The following ATP2B2 variants were observed in gnomAD, a reference collection of about 807,000 sequenced individuals.
ATP2B2 encodes plasma membrane calcium-transporting ATPase 2.
A neutral mutation model predicts 120.0 loss-of-function variants in ATP2B2; 15 were observed. That is an observed-to-expected ratio of 0.12 (90% CI 0.08 to 0.19). ATP2B2 has a LOEUF of 0.19. ATP2B2 is among the 10% of genes least tolerant of loss of function. The pLI is 1.00. For synonymous variants in ATP2B2, 694 were observed against 700.3 expected, an observed-to-expected ratio of 0.99 and a Z score of 0.14; for missense variants, 1,045 against 1,719.8, an observed-to-expected ratio of 0.61 and a Z score of 6.94.
chr3:10,436,131 T>A (rs1308577615), intron 2 of ATP2B2, among the ~76,000 whole-genome samples: 1 of 152,254 alleles, frequency 6.6e-6, no homozygotes, highest in Non-Finnish European at 1.5e-5. Context: ...CAGCTCACAC[T>A]TGCTTGTGAG....
intron 3 of ATP2B2, among the ~76,000 whole-genome samples, chr3:10,406,365 G>A (rs944100320): frequency 5.9e-5 from 9 of 152,346 alleles, no homozygotes; most frequent in African/African-American, 2.2e-4. Flanking sequence ...CAAGGTCCCT[G>A]TGGTCACTCA....
chr3:10,413,513 C>G (rs1373175629), intron 2 of ATP2B2, among the ~76,000 whole-genome samples: 1 of 152,226 alleles, frequency 6.6e-6, no homozygotes, highest in Non-Finnish European at 1.5e-5. Context: ...TGAGACCAAG[C>G]TGCTGCTGTG....
intron 14 of ATP2B2, among the ~76,000 whole-genome samples, chr3:10,357,242 T>C (rs2060761554): frequency 6.6e-6 from 1 of 152,076 alleles, no homozygotes; most frequent in South Asian, 2.1e-4. Context: ...ATCTGAGCCT[T>C]CATGATATCC....
chr3:10,684,734 G>T (rs1405625684), intron 1 of ATP2B2, among the ~76,000 whole-genome samples: 1 of 152,212 alleles, frequency 6.6e-6, no homozygotes, highest in African/African-American at 2.4e-5. Context: ...GAGCAGGTTT[G>T]TAGCAAATGA....
At chr3:10,447,403 G>T (rs1461919681) in intron 2 of ATP2B2, among the ~76,000 whole-genome samples, 1 of 152,200 alleles carries the variant, frequency 6.6e-6, no homozygotes, top group African/African-American at 2.4e-5. Flanking sequence ...CCTTTCTGGT[G>T]GGAGTGGTAG....
chr3:10,439,527 C>T (rs1490930907), intron 2 of ATP2B2, among the ~76,000 whole-genome samples: 1 of 152,220 alleles, frequency 6.6e-6, no homozygotes, highest in African/African-American at 2.4e-5. Flanking sequence ...GTCAGTGTGG[C>T]CCCTGGAAGC....
chr3:10,449,826 C>T lies in ATP2B2; in HGVS notation c.-283G>A. ...CATTCAGTGGGGCCCATGCTGCTCC[C>T]TGGAACTGGCATCTACATGGTCAGG... On this transcript the variant is annotated 5_prime_UTR_variant, in exon 2 of 23. Coordinates refer to ENST00000360273, the MANE Select transcript of ATP2B2 (RefSeq NM_001001331.4). 1 of 494,928 alleles carries T rather than the reference C, an allele frequency of 2.0e-6. No individual in the cohort carries two copies. The highest frequency in any genetic ancestry group is 3.7e-6 in the Non-Finnish European group (1 of 270,048). 30.7% of individuals were successfully genotyped at this position (494,928 alleles called of 1,614,324 possible).
intron 1 of ATP2B2, among the ~76,000 whole-genome samples, chr3:10,683,744 A>ATGTGTG (rs1559520007): frequency 7.2e-5 from 3 of 41,428 alleles, no homozygotes; most frequent in African/African-American, 2.9e-4. Flanking sequence ...ATATGTGTAT[A>ATGTGTG]TATATGTGTG....
At chr3:10,607,617 T>C (rs1004322300) in intron 2 of ATP2B2, among the ~76,000 whole-genome samples, 3 of 152,206 alleles carry the variant, frequency 2.0e-5, no homozygotes, top group African/African-American at 7.2e-5. Context: ...TGCCATTCAA[T>C]ACCTGAAAAA....
At chr3:10,411,293 T>C (rs943864645) in intron 2 of ATP2B2, among the ~76,000 whole-genome samples, 1 of 152,146 alleles carries the variant, frequency 6.6e-6, no homozygotes, top group Non-Finnish European at 1.5e-5. Context: ...AAGGAAGGAT[T>C]GTTCCCTGGT....
chr3:10,333,360 C>T (rs1220410325), intron 22 of ATP2B2, among the ~76,000 whole-genome samples: 2 of 152,114 alleles, frequency 1.3e-5, no homozygotes, highest in Non-Finnish European at 2.9e-5. Flanking sequence ...GGGCGGCCCA[C>T]TTCCTCATCC....
chr3:10,598,807 C>G (rs2068831750), intron 2 of ATP2B2, among the ~76,000 whole-genome samples: 1 of 152,266 alleles, frequency 6.6e-6, no homozygotes, highest in African/African-American at 2.4e-5. Context: ...AAGGTAGCTT[C>G]TCAATCCTAG....
Position 10,401,062 on chromosome 3 carries a change from G to T in ATP2B2, c.672C>A (p.Ala224=). The T allele has an allele frequency of 1.2e-6, 2 of 1,614,036 alleles. No homozygotes were observed. The highest frequency in any genetic ancestry group is 8.5e-7 in the Non-Finnish European group (1 of 1,179,982). Residue 224 remains alanine, a synonymous_variant, in exon 5 of 23, where the codon GCC becomes GCA. Transcript: ENST00000360273. ...CATTGCCCTGGATGAAGAGGCCGTC[G>T]GCAGGGAGGAGGTCACCTGGCAAGA... The part of the protein sequence containing the change: ...AQVKYGDLLP[A]DGLFIQGNDL...
In ATP2B2 at chr3:10,539,972, G is replaced by A. The variant is rs542937042; in HGVS notation, c.-414-5839C>T. Among the ~76,000 whole-genome samples the A allele has an allele frequency of 2.7e-3, 413 of 152,216 alleles. 1 individual carries two copies. The highest frequency in any genetic ancestry group is 8.9e-3 in the African/African-American group (371 of 41,546). On this transcript the variant is annotated intron_variant, in intron 2 of 21. Coordinates refer to the ATP2B2 transcript ENST00000646379. ...GAAAATTTTTGCAATCTACCCATCC[G>A]AAAAAGGGCTAATATCCAGAATCTA...
intron 5 of ATP2B2, among the ~76,000 whole-genome samples, chr3:10,390,201 G>A (rs1329735225): frequency 6.6e-6 from 1 of 152,118 alleles, no homozygotes; most frequent in East Asian, 1.9e-4. Context: ...GCTTTTCAGA[G>A]TTCTCTTTTC....
chr3:10,441,616 A>G (rs1575234359), intron 2 of ATP2B2, among the ~76,000 whole-genome samples: 1 of 152,308 alleles, frequency 6.6e-6, no homozygotes, highest in Middle Eastern at 3.4e-3. Context: ...CCATCTGCCC[A>G]CCTGTCCTGT....
chr3:10,596,844 C>T (rs531342410), intron 2 of ATP2B2, among the ~76,000 whole-genome samples: 5 of 152,232 alleles, frequency 3.3e-5, no homozygotes, highest in South Asian at 4.1e-4. Flanking sequence ...CTTTCCCAAA[C>T]GAAGGAGGCT....
rs199876883 is a variant in ATP2B2, at chr3:10,375,693, G to A, written c.1202-49C>T. 4 of 1,564,572 alleles carry A rather than the reference G, an allele frequency of 2.6e-6. No individual in the cohort carries two copies. The Admixed American group carries it at 6.9e-5, about 27-fold the overall frequency. ...TGGGGGGTTCCAGGAAGTGGAGGCT[G>A]GGGGTGGTGTGGACCAAATCTTTGG... On this transcript the variant is annotated intron_variant, in intron 10 of 22. Coordinates refer to ENST00000360273, the MANE Select transcript of ATP2B2 (RefSeq NM_001001331.4). This position sits in a 1 kb window ranked among gnomAD's most constrained non-coding sequence, Gnocchi z 4.2.
At chr3:10,416,558 TA>T (rs1372690329) in intron 2 of ATP2B2, among the ~76,000 whole-genome samples, 1 of 152,186 alleles carries the variant, frequency 6.6e-6, no homozygotes, top group East Asian at 1.9e-4. Context: ...CCAGACCTAT[TA>T]GAGTTGGAAC....
Sources: gnomAD v4.1 joint callset for allele counts (sites outside exome capture counted in the v4.1 genomes callset) on GRCh38, gnomAD v4.1.1 for gene constraint, Gnocchi (gnomAD v3.1) non-coding constraint, MANE v1.5 for transcripts, NCBI Gene and HGNC (gene_info 2026-07-23, HGNC 2026-07-21) for gene names.